Variants in NXPH1 observed in about 807,000 individuals in gnomAD.
NXPH1 encodes the protein neurexophilin-1.
A neutral mutation model predicts 23.7 loss-of-function variants in NXPH1; 5 were observed. The ratio of observed to expected loss-of-function variants is 0.21; its 90% confidence interval spans 0.11 to 0.44. The LOEUF is 0.44. Among genes scored for constraint, NXPH1 ranks in the 20% least tolerant of loss-of-function variants. NXPH1 has a pLI of 0.99. For synonymous variants in NXPH1, 144 were observed against 122.2 expected, an observed-to-expected ratio of 1.18 and a Z score of -1.18; for missense variants, 324 against 321.6, an observed-to-expected ratio of 1.01 and a Z score of -0.06.
chr7:8,737,715 C>A (rs1780286261), intron 2 of NXPH1, among the ~76,000 whole-genome samples: 1 of 152,158 alleles, frequency 6.6e-6, no homozygotes, highest in Non-Finnish European at 1.5e-5. Flanking sequence ...TGGATAATAT[C>A]CTGAAGAGTG....
intron 2 of NXPH1, among the ~76,000 whole-genome samples, chr7:8,524,312 A>C (rs1817828020): frequency 1.3e-5 from 2 of 150,666 alleles, no homozygotes; most frequent in African/African-American, 2.4e-5. Flanking sequence ...GAATGTAGTG[A>C]CCCCAACAAA....
chr7:8,506,501 G>A (rs1817525173), intron 2 of NXPH1, among the ~76,000 whole-genome samples: 1 of 152,042 alleles, frequency 6.6e-6, no homozygotes, highest in African/African-American at 2.4e-5. Flanking sequence ...CCTACCTTTG[G>A]TTGCTTACTT....
intron 2 of NXPH1, among the ~76,000 whole-genome samples, chr7:8,633,793 CCT>C (rs1157726231): frequency 6.6e-6 from 1 of 152,112 alleles, no homozygotes. Flanking sequence ...TGAGTTGAAC[CCT>C]CTTTTTGTGG....
chr7:8,517,293 T>G (rs1382130439), intron 2 of NXPH1, among the ~76,000 whole-genome samples: 2 of 151,832 alleles, frequency 1.3e-5, no homozygotes, highest in African/African-American at 2.4e-5. Context: ...GTCTAGAAAT[T>G]GGGACTAAAG....
chr7:8,748,920 T>G (rs958433403), intron 2 of NXPH1, among the ~76,000 whole-genome samples: 1 of 152,234 alleles, frequency 6.6e-6, no homozygotes, highest in Admixed American at 6.5e-5. Flanking sequence ...CACACTCATG[T>G]TACCTCAATT....
chr7:8,725,888 C>T (rs1780044865), intron 2 of NXPH1, among the ~76,000 whole-genome samples: 1 of 152,062 alleles, frequency 6.6e-6, no homozygotes, highest in South Asian at 2.1e-4. Flanking sequence ...ATACTCTGAT[C>T]AGAAAAAGAC....
At chr7:8,699,346 A>G (rs1284308967) in intron 2 of NXPH1, among the ~76,000 whole-genome samples, 3 of 152,118 alleles carry the variant, frequency 2.0e-5, no homozygotes, top group Non-Finnish European at 4.4e-5. Context: ...CTAATTGTTT[A>G]TTAGAAAAGA....
At chr7:8,447,377 G>A (rs2128604925) in intron 2 of NXPH1, among the ~76,000 whole-genome samples, 1 of 152,354 alleles carries the variant, frequency 6.6e-6, no homozygotes, top group South Asian at 2.1e-4. Flanking sequence ...TGCATGGTCA[G>A]TGTAGTATTT....
Position 8,725,059 on chromosome 7 carries a change from A to C in NXPH1, c.55-25949A>C, listed in dbSNP as rs1583247358. 2.0e-5 allele frequency among the ~76,000 whole-genome samples: 3 copies of C among 152,354 alleles called. No homozygotes were observed. In the East Asian group the frequency reaches 5.8e-4, roughly 29 times the overall value. ...GCTAGGAATCTTGCAAGGGAGAAAC[A>C]GAAGGTCAAGGAATGGATGTTACCT... On this transcript the variant is annotated intron_variant, in intron 2 of 2. Coordinates refer to ENST00000405863, the MANE Select transcript of NXPH1 (RefSeq NM_152745.3).
At chr7:8,641,872 A>G (rs1360738831) in intron 2 of NXPH1, among the ~76,000 whole-genome samples, 1 of 152,200 alleles carries the variant, frequency 6.6e-6, no homozygotes, top group Non-Finnish European at 1.5e-5. Context: ...TTCTGTGAAT[A>G]TATCACTAAT....
chr7:8,711,799 G>A (rs925720280), intron 2 of NXPH1, among the ~76,000 whole-genome samples: 1 of 152,188 alleles, frequency 6.6e-6, no homozygotes, highest in South Asian at 2.1e-4. Context: ...GACCTCTGAG[G>A]AACTGAATGC....
intron 2 of NXPH1, among the ~76,000 whole-genome samples, chr7:8,661,693 A>G (rs1455584189): frequency 6.6e-6 from 1 of 152,170 alleles, no homozygotes; most frequent in Non-Finnish European, 1.5e-5. Context: ...TGGTTCAATT[A>G]TATCCCAGAT....
chr7:8,536,680 T>C (rs1174122211), intron 2 of NXPH1, among the ~76,000 whole-genome samples: 3 of 151,182 alleles, frequency 2.0e-5, no homozygotes, highest in Non-Finnish European at 4.4e-5. Flanking sequence ...GAAAATGTAT[T>C]GTAAGGGGCC....
intron 2 of NXPH1, among the ~76,000 whole-genome samples, chr7:8,585,061 G>A (rs1818954313): frequency 6.6e-6 from 1 of 152,186 alleles, no homozygotes; most frequent in African/African-American, 2.4e-5. Flanking sequence ...AGTGTTCAAA[G>A]TCTGGAAACT....
intron 2 of NXPH1, among the ~76,000 whole-genome samples, chr7:8,629,038 G>A (rs1187354259): frequency 2.0e-5 from 3 of 151,090 alleles, no homozygotes; most frequent in Non-Finnish European, 4.4e-5. Flanking sequence ...TTGGAAAGAA[G>A]GAGAAAGATA....
chr7:8,483,680 G>A (rs1817111184), intron 2 of NXPH1, among the ~76,000 whole-genome samples: 1 of 152,158 alleles, frequency 6.6e-6, no homozygotes, highest in African/African-American at 2.4e-5. Flanking sequence ...GCTAAATCAT[G>A]TCAGAGTGGG....
At chr7:8,664,644 C>A (rs543202377) in intron 2 of NXPH1, among the ~76,000 whole-genome samples, 1 of 152,082 alleles carries the variant, frequency 6.6e-6, no homozygotes, top group African/African-American at 2.4e-5. Flanking sequence ...TATATTCCCA[C>A]GAACAGTATT....
chr7:8,731,948 T>A (rs1780163457), intron 2 of NXPH1, among the ~76,000 whole-genome samples: 1 of 152,216 alleles, frequency 6.6e-6, no homozygotes, highest in Non-Finnish European at 1.5e-5. Flanking sequence ...GCCTTGCTGC[T>A]GCCTTGCAGT....
intron 2 of NXPH1, among the ~76,000 whole-genome samples, chr7:8,518,695 C>T (rs1488863460): frequency 6.6e-6 from 1 of 152,020 alleles, no homozygotes; most frequent in Non-Finnish European, 1.5e-5. Context: ...TATGTCTCCC[C>T]AGGTGGCCTC....
Sources: gnomAD v4.1 joint callset for allele counts (sites outside exome capture counted in the v4.1 genomes callset) on GRCh38, gnomAD v4.1.1 for gene constraint, MANE v1.5 for transcripts, NCBI Gene and HGNC (gene_info 2026-07-23, HGNC 2026-07-21) for gene names.